ZZZ3: variants seen among roughly 807,000 people sequenced by gnomAD.
The protein encoded by ZZZ3 is ZZ-type zinc finger-containing protein 3.
Under a neutral mutation model 95.2 loss-of-function variants are expected in ZZZ3, and 22 were observed. The observed-to-expected ratio is 0.23, with a 90% CI of 0.17 to 0.33. ZZZ3 has a LOEUF of 0.33. Among genes scored for constraint, ZZZ3 ranks in the 10% least tolerant of loss-of-function variants. ZZZ3 has a pLI of 1.00. For missense variants in ZZZ3, 885 were observed against 1,066.5 expected, an observed-to-expected ratio of 0.83 and a Z score of 2.37; for synonymous variants, 335 against 358.9, an observed-to-expected ratio of 0.93 and a Z score of 0.75.
At chr1:77,578,929 T>C in intron 10 of ZZZ3, 60 bp from the exon 11 acceptor site, 1 of 1,082,764 alleles carries the variant, frequency 9.2e-7, no homozygotes, top group Non-Finnish European at 1.3e-6. Flanking sequence ...CTGAGTCGTT[T>C]TTAAAAATTA....
intron 5 of ZZZ3, among the ~76,000 whole-genome samples, chr1:77,625,961 C>T (rs1179345567): frequency 6.6e-6 from 1 of 151,232 alleles, no homozygotes; most frequent in African/African-American, 2.4e-5. Context: ...GGCACCACTG[C>T]ACTCCAGCCT....
intron 4 of ZZZ3, among the ~76,000 whole-genome samples, chr1:77,637,560 G>A (rs935819392): frequency 3.5e-4 from 53 of 152,310 alleles, no homozygotes; most frequent in African/African-American, 8.7e-4. Context: ...GCAGGGAAGT[G>A]GGGGCACCTA....
At chr1:77,642,966 C>G (rs1237453443) in intron 1 of ZZZ3, among the ~76,000 whole-genome samples, 1 of 152,048 alleles carries the variant, frequency 6.6e-6, no homozygotes, top group Non-Finnish European at 1.5e-5. Context: ...AAAATTAACA[C>G]TTTGGGATGC....
chr1:77,633,085 A>G lies in ZZZ3; in HGVS notation c.270T>C (p.Ser90=), dbSNP rs1403025792. ...WVSPRKRGLS[S]SEKDNIERQA... is the part of the protein sequence containing the mutation. The stretch of plus-strand genomic sequence containing the variant: ...GCCTTTCTATGTTATCCTTTTCTGA[A>G]GAAGAAAGTCCTCTTTTCCTAGGGC... Residue 90 remains serine, a synonymous_variant, in exon 5 of 15, where the codon TCT becomes TCC. Transcript: ENST00000370801. 6.2e-7 allele frequency: 1 copy of G among 1,613,914 alleles called. No individual in the cohort carries two copies. The highest frequency in any genetic ancestry group is 1.1e-5 in the South Asian group (1 of 91,076).
At chr1:77,656,742 C>T (rs1311383993) in intron 1 of ZZZ3, among the ~76,000 whole-genome samples, 1 of 152,182 alleles carries the variant, frequency 6.6e-6, no homozygotes, top group Non-Finnish European at 1.5e-5. Context: ...TAAGAATCTA[C>T]AGGACAGGTA....
At chr1:77,635,248 T>A (rs1399007935) in intron 4 of ZZZ3, among the ~76,000 whole-genome samples, 7 of 152,214 alleles carry the variant, frequency 4.6e-5, no homozygotes, top group Non-Finnish European at 8.8e-5. Flanking sequence ...CTGAGTTTAG[T>A]GTTGTCTCAA....
intron 1 of ZZZ3, among the ~76,000 whole-genome samples, chr1:77,651,979 G>A (rs1426863192): frequency 6.8e-6 from 1 of 147,282 alleles, no homozygotes; most frequent in Non-Finnish European, 1.5e-5. Context: ...TTACACCACT[G>A]CACTCCAGTC....
At chr1:77,646,185 C>T (rs111678909) in intron 1 of ZZZ3, among the ~76,000 whole-genome samples, 4,009 of 152,022 alleles carry the variant, frequency 0.026, 55 homozygotes, top group Middle Eastern at 0.078. Flanking sequence ...TTGAACTAAC[C>T]CAAATGCCTT....
intron 5 of ZZZ3, among the ~76,000 whole-genome samples, chr1:77,624,682 T>C (rs544080885): frequency 6.6e-6 from 1 of 152,286 alleles, no homozygotes; most frequent in African/African-American, 2.4e-5. Flanking sequence ...TCAGCCGTAA[T>C]AAGTAAATTG....
chr1:77,682,737 G>C (rs1167475776), upstream of ZZZ3: 1 of 152,124 alleles, frequency 6.6e-6, no homozygotes, highest in Non-Finnish European at 1.5e-5. Context: ...CCAACATGGC[G>C]GTACAGAAAA....
chr1:77,644,222 C>A (rs1025117244), intron 1 of ZZZ3, among the ~76,000 whole-genome samples: 1 of 152,068 alleles, frequency 6.6e-6, no homozygotes, highest in Non-Finnish European at 1.5e-5. Context: ...CCTGCCACCA[C>A]GCCCATTTAA....
At chr1:77,626,856 G>A (rs1210134860) in intron 5 of ZZZ3, among the ~76,000 whole-genome samples, 1 of 152,080 alleles carries the variant, frequency 6.6e-6, no homozygotes, top group East Asian at 1.9e-4. Flanking sequence ...TTGAAATCAA[G>A]CTACAGCCAT....
chr1:77,631,668 C>G (rs779410921), intron 5 of ZZZ3, among the ~76,000 whole-genome samples, 182 bp downstream of exon 5: 2 of 152,196 alleles, frequency 1.3e-5, no homozygotes, highest in South Asian at 4.1e-4. Flanking sequence ...ATAGAACACA[C>G]GTGTAAAGTT....
At chr1:77,641,735 A>T in intron 1 of ZZZ3, 80 bp from the exon 2 acceptor site, 1 of 393,248 alleles carries the variant, frequency 2.5e-6, no homozygotes, top group Non-Finnish European at 4.5e-6. Context: ...TAATATTTCC[A>T]AACACTTATA....
intron 1 of ZZZ3, among the ~76,000 whole-genome samples, chr1:77,658,656 G>A (rs1054817369): frequency 2.0e-5 from 3 of 151,824 alleles, no homozygotes; most frequent in Admixed American, 6.6e-5. Context: ...GAGCCACACC[G>A]CCCAGCCTAA....
In ZZZ3 at chr1:77,570,832, T is replaced by A. The variant is rs1014677211; in HGVS notation, c.2332-2366A>T. 3.4e-5 allele frequency among the ~76,000 whole-genome samples: 5 copies of A among 144,972 alleles called. No homozygotes were observed. The South Asian group carries it at 1.1e-3, about 32-fold the overall frequency. ...GCACACCACCAAGCCTGGCTAATTT[T>A]TTTTTTTTTTTTTTTTTTGTAGAGA... On this transcript the variant is annotated intron_variant, in intron 12 of 14. Coordinates refer to ENST00000370801, the MANE Select transcript of ZZZ3 (RefSeq NM_015534.6).
intron 1 of ZZZ3, among the ~76,000 whole-genome samples, chr1:77,681,873 T>C (rs1672789408): frequency 7.6e-6 from 1 of 130,880 alleles, no homozygotes; most frequent in African/African-American, 3.0e-5. Flanking sequence ...CACTCCAGCC[T>C]AGGCGACAAG....
intron 1 of ZZZ3, among the ~76,000 whole-genome samples, chr1:77,673,969 G>C (rs775566745): frequency 4.1e-5 from 6 of 146,384 alleles, no homozygotes; most frequent in Non-Finnish European, 8.9e-5. Context: ...AGCTGGCCAG[G>C]AATCCTGTAC....
chr1:77,643,501 A>C (rs1278488959), intron 1 of ZZZ3, among the ~76,000 whole-genome samples: 1 of 152,244 alleles, frequency 6.6e-6, no homozygotes, highest in African/African-American at 2.4e-5. Flanking sequence ...AAACTATCCA[A>C]GTCCTATTCC....
Sources: allele counts gnomAD v4.1 joint callset (sites outside exome capture counted in the v4.1 genomes callset), GRCh38; gene constraint gnomAD v4.1.1; transcripts MANE v1.5; gene names NCBI Gene and HGNC (gene_info 2026-07-23, HGNC 2026-07-21).